The following GHR variants were observed in gnomAD, a reference collection of about 807,000 sequenced individuals.
GHR encodes GH receptor.
Under a neutral mutation model 67.1 loss-of-function variants are expected in GHR, and 35 were observed. That is an observed-to-expected ratio of 0.52 (90% confidence interval 0.40 to 0.69). The LOEUF is 0.69. Among genes scored for constraint, GHR ranks in the 30% least tolerant of loss-of-function variants. The pLI is 0.00. For missense variants in GHR, 792 were observed against 764.6 expected (o/e 1.04, Z -0.42); for synonymous variants, 272 against 269.1 (o/e 1.01, Z -0.10).
chr5:42,504,831 A>G lies in GHR; in HGVS notation c.-11-61033A>G, dbSNP rs184336384. ...GCTAAGGCAAGAATGCTGAAACCTC[A>G]ATCATAGCACTTTTCCAAAAGAGTC... On this transcript the variant is annotated intron_variant, in intron 1 of 9. Transcript: ENST00000230882. Among the ~76,000 whole-genome samples the G allele has an allele frequency of 3.0e-4, 46 of 152,322 alleles. No homozygotes were observed. In the East Asian group the frequency reaches 8.7e-3, roughly 29 times the overall value.
At chr5:42,709,148 T>TC (rs34585655) in intron 6 of GHR, among the ~76,000 whole-genome samples, 2,532 of 151,860 alleles carry the variant, frequency 0.017, 24 homozygotes, top group South Asian at 0.03. Flanking sequence ...CTTTTTTTTC[T>TC]CCCCCCCACA....
In GHR at chr5:42,431,627, T is replaced by C. The variant is rs550799606; in HGVS notation, c.-12+7672T>C. Among the ~76,000 whole-genome samples, 220 of 152,356 alleles carry C rather than the reference T, an allele frequency of 1.4e-3. 6 individuals are homozygous for C. The South Asian group carries it at 0.042, about 29-fold the overall frequency. On this transcript the variant is annotated intron_variant, in intron 1 of 9. Coordinates refer to ENST00000230882, the MANE Select transcript of GHR (RefSeq NM_000163.5). Reference sequence around the variant, plus strand: ...AAACTTCCAGATGTGTTTACTGTTTTGATTAGGGCTTTCTTCTTTTGTTGT... The same window carrying C: ...AAACTTCCAGATGTGTTTACTGTTTCGATTAGGGCTTTCTTCTTTTGTTGT...
At chr5:42,447,382 A>G (rs1743850356) in intron 1 of GHR, among the ~76,000 whole-genome samples, 1 of 152,172 alleles carries the variant, frequency 6.6e-6, no homozygotes, top group South Asian at 2.1e-4. Flanking sequence ...CTTACAAGTG[A>G]GAACATACAA....
chr5:42,433,660 G>A (rs940072691), intron 1 of GHR, among the ~76,000 whole-genome samples: 8 of 149,892 alleles, frequency 5.3e-5, no homozygotes, highest in Admixed American at 4.7e-4. Flanking sequence ...AGGACAATCT[G>A]TTTGGACTGA....
chr5:42,533,315 ATG>A (rs999876343), intron 1 of GHR, among the ~76,000 whole-genome samples: 5 of 151,844 alleles, frequency 3.3e-5, no homozygotes, highest in Non-Finnish European at 7.4e-5. Flanking sequence ...TGATCCTAAT[ATG>A]TGTCATAATA....
chr5:42,611,260 G>A (rs953951276), intron 2 of GHR, among the ~76,000 whole-genome samples: 2 of 152,136 alleles, frequency 1.3e-5, no homozygotes, highest in African/African-American at 4.8e-5. Flanking sequence ...TGTATGGTTG[G>A]AAAAATGTGG....
intron 1 of GHR, among the ~76,000 whole-genome samples, chr5:42,560,102 T>G (rs1749520152): frequency 6.6e-6 from 1 of 152,192 alleles, no homozygotes; most frequent in Non-Finnish European, 1.5e-5. Flanking sequence ...TGATACAAAT[T>G]AGAGGGTGTT....
chr5:42,507,871 T>C (rs1746843490), intron 1 of GHR, among the ~76,000 whole-genome samples: 1 of 152,142 alleles, frequency 6.6e-6, no homozygotes, highest in Non-Finnish European at 1.5e-5. Flanking sequence ...CTAATCTCCA[T>C]TGTTCAAACC....
intron 1 of GHR, chr5:42,468,056 A>T: frequency 7.9e-6 from 7 of 883,484 alleles, no homozygotes; most frequent in Non-Finnish European, 1.3e-5. Context: ...TCTTCCTAAT[A>T]TGATGCGGGG....
At chr5:42,643,791 A>G (rs1754597536) in intron 3 of GHR, among the ~76,000 whole-genome samples, 1 of 151,912 alleles carries the variant, frequency 6.6e-6, no homozygotes, top group Non-Finnish European at 1.5e-5. Context: ...TTCTATTCCC[A>G]CAATTCTGGT....
chr5:42,588,029 G>C (rs1322522504), intron 2 of GHR, among the ~76,000 whole-genome samples: 2 of 152,156 alleles, frequency 1.3e-5, no homozygotes, highest in African/African-American at 2.4e-5. Flanking sequence ...CTGAGTCAGG[G>C]AGACTAAGAT....
At chr5:42,660,974 G>T (rs1232165153) in intron 3 of GHR, among the ~76,000 whole-genome samples, 2 of 152,190 alleles carry the variant, frequency 1.3e-5, no homozygotes, top group African/African-American at 4.8e-5. Context: ...GAAGCCTCAG[G>T]AGCCGATGCG....
At chr5:42,654,173 T>G (rs1406299034) in intron 3 of GHR, among the ~76,000 whole-genome samples, 1 of 152,178 alleles carries the variant, frequency 6.6e-6, no homozygotes, top group Non-Finnish European at 1.5e-5. Context: ...TCAAATTCCA[T>G]CGTTGTCTCT....
chr5:42,657,531 G>A (rs181303233), intron 3 of GHR, among the ~76,000 whole-genome samples: 206 of 152,268 alleles, frequency 1.4e-3, no homozygotes, highest in African/African-American at 4.7e-3. Flanking sequence ...TTATTCTTGA[G>A]AGTTGTCCAA....
At chr5:42,613,336 G>A (rs542902786) in intron 2 of GHR, among the ~76,000 whole-genome samples, 3 of 152,052 alleles carry the variant, frequency 2.0e-5, no homozygotes, top group South Asian at 2.1e-4. Flanking sequence ...TTCTATCTGC[G>A]CTCTCCAGTT....
intron 1 of GHR, among the ~76,000 whole-genome samples, chr5:42,455,089 G>GT (rs1335545862): frequency 6.6e-6 from 1 of 152,090 alleles, no homozygotes; most frequent in African/African-American, 2.4e-5. Context: ...TTCTACTTTT[G>GT]TGTTTCACGT....
At chr5:42,656,932 C>G (rs751536791) in intron 3 of GHR, among the ~76,000 whole-genome samples, 1 of 152,076 alleles carries the variant, frequency 6.6e-6, no homozygotes, top group African/African-American at 2.4e-5. Context: ...TATCAGTACT[C>G]AAAATGATTC....
At chr5:42,517,199 C>T (rs1747276576) in intron 1 of GHR, among the ~76,000 whole-genome samples, 1 of 152,168 alleles carries the variant, frequency 6.6e-6, no homozygotes, top group Admixed American at 6.5e-5. Flanking sequence ...TACCAATGGA[C>T]TAATTGGAGG....
At chr5:42,579,151 T>TATAGATAGATAGATAG (rs10533483) in intron 2 of GHR, among the ~76,000 whole-genome samples, 1 of 88,246 alleles carries the variant, frequency 1.1e-5, no homozygotes. Context: ...GATAGATAGA[T>TATAGATAGATAGATAG]ATAGATAGAT....
Sources: gnomAD v4.1 joint callset for allele counts (sites outside exome capture counted in the v4.1 genomes callset) on GRCh38, gnomAD v4.1.1 for gene constraint, MANE v1.5 for transcripts, NCBI Gene and HGNC (gene_info 2026-07-23, HGNC 2026-07-21) for gene names.